Variants in MICU2 observed in about 807,000 individuals in gnomAD.
MICU2 encodes calcium uptake protein 2, mitochondrial.
In MICU2, 64 loss-of-function variants were observed where a neutral mutation model predicts 60.4. That is an observed-to-expected ratio of 1.06 (90% CI 0.87 to 1.31). The LOEUF is 1.31. Ranked by LOEUF, MICU2 falls within the 50% of genes most tolerant of loss-of-function variation. The pLI, the probability that MICU2 is intolerant of heterozygous loss-of-function variation, is 0.00. For missense variants in MICU2, 569 were observed against 531.0 expected (o/e 1.07, Z -0.70); for synonymous variants, 201 against 175.0 (o/e 1.15, Z -1.17).
rs560145575 is a variant in MICU2, at chr13:21,495,230, A to G, written c.1131T>C (p.Asp377=). The G allele has an allele frequency of 6.2e-7, 1 of 1,613,598 alleles. No individual in the cohort carries two copies. Among genetic ancestry groups the G allele is most frequent in the African/African-American group, 1.3e-5 (1 of 75,028 alleles). Residue 377 remains aspartate (D), a synonymous_variant, in exon 11 of 12, where the codon GAT becomes GAC. Coordinates refer to ENST00000382374, the MANE Select transcript of MICU2 (RefSeq NM_152726.3). ...LDTVFKIFDL[D]GDECLSHEEF... ...CTTCATGACTAAGACATTCATCACCATCCAAATCAAAGATCTTAAAGACAG... is the reference window on the plus strand; with the variant it reads ...CTTCATGACTAAGACATTCATCACCGTCCAAATCAAAGATCTTAAAGACAG...
intron 1 of MICU2, among the ~76,000 whole-genome samples, chr13:21,570,095 T>C (rs181804230): frequency 1.3e-5 from 2 of 152,362 alleles, no homozygotes; most frequent in East Asian, 3.9e-4. Flanking sequence ...GGGCTAACTG[T>C]TGTCCATTTC....
intron 9 of MICU2, among the ~76,000 whole-genome samples, chr13:21,498,439 C>T (rs541991805): frequency 1.5e-4 from 20 of 136,194 alleles, no homozygotes; most frequent in African/African-American, 8.3e-5. Context: ...AGCGCAATGG[C>T]GCAATCTTGG....
At chr13:21,580,984 T>C (rs1566168102) in intron 1 of MICU2, among the ~76,000 whole-genome samples, 1 of 152,066 alleles carries the variant, frequency 6.6e-6, no homozygotes, top group Non-Finnish European at 1.5e-5. Context: ...ACAAAAGAGA[T>C]GAACTAGTGA....
chr13:21,530,694 C>T (rs1156911956), intron 4 of MICU2: 12 of 392,934 alleles, frequency 3.1e-5, no homozygotes, highest in Non-Finnish European at 4.6e-5. Context: ...GGGGTGGCCA[C>T]TGAGGGGGTC....
intron 2 of MICU2, among the ~76,000 whole-genome samples, chr13:21,556,120 T>C (rs1195920701): frequency 6.6e-6 from 1 of 152,030 alleles, no homozygotes; most frequent in Non-Finnish European, 1.5e-5. Context: ...TTTTCCCCCA[T>C]TTTTTCCTAA....
chr13:21,507,957 C>G (rs1219301408), intron 8 of MICU2, among the ~76,000 whole-genome samples: 1 of 151,716 alleles, frequency 6.6e-6, no homozygotes, highest in Non-Finnish European at 1.5e-5. Flanking sequence ...TTGACAGAGT[C>G]TCACTCTGTC....
chr13:21,532,357 T>G (rs903131404), intron 4 of MICU2, among the ~76,000 whole-genome samples: 2 of 152,230 alleles, frequency 1.3e-5, no homozygotes, highest in African/African-American at 4.8e-5. Flanking sequence ...TTCATACTTA[T>G]GCCTCAAAAA....
chr13:21,603,918 CAGA>C lies in MICU2; in HGVS notation c.210+18_210+20del, dbSNP rs542812970. ...GAGGGAGGAGCTTGACTGGGGCTAG[CAGA>C]AGGAGTTAGTCCTGTACCTGTGCGG... is the stretch of plus-strand genomic sequence containing the variant. On this transcript the variant is annotated intron_variant, in intron 1 of 11. Coordinates refer to ENST00000382374, the MANE Select transcript of MICU2 (RefSeq NM_152726.3). The C allele has an allele frequency of 4.4e-3, 7,009 of 1,610,060 alleles. 30 individuals are homozygous for C. The highest frequency in any genetic ancestry group is 5.5e-3 in the Middle Eastern group (33 of 5,964).
At chr13:21,501,795 C>T (rs1031842077) in intron 9 of MICU2, among the ~76,000 whole-genome samples, 7 of 152,162 alleles carry the variant, frequency 4.6e-5, no homozygotes, top group African/African-American at 1.7e-4. Context: ...CTTTTCCTGC[C>T]ACAGCCTCTG....
chr13:21,555,762 G>C (rs1566159206), intron 2 of MICU2, among the ~76,000 whole-genome samples: 3 of 151,942 alleles, frequency 2.0e-5, no homozygotes, highest in East Asian at 3.9e-4. Context: ...TTCACTCTCA[G>C]CTGATAACCT....
At chr13:21,587,352 T>C (rs542205678) in intron 1 of MICU2, among the ~76,000 whole-genome samples, 15 of 152,362 alleles carry the variant, frequency 9.8e-5, no homozygotes, top group African/African-American at 3.6e-4. Flanking sequence ...AAATTTTTAA[T>C]GAAGAAACCT....
intron 4 of MICU2, among the ~76,000 whole-genome samples, chr13:21,538,167 G>A (rs1403316360): frequency 1.3e-5 from 2 of 151,518 alleles, no homozygotes; most frequent in Non-Finnish European, 2.9e-5. Context: ...TCTCATATCC[G>A]CCCTCACGTC....
intron 9 of MICU2, among the ~76,000 whole-genome samples, chr13:21,501,498 A>G (rs143998277): frequency 0.039 from 5,863 of 152,152 alleles, 332 homozygotes; most frequent in African/African-American, 0.13. Context: ...TCCTGACCTC[A>G]TGATCTGCCC....
Position 21,604,101 on chromosome 13 carries a change from TC to T in MICU2, c.47del (p.Gly16GlufsTer62), listed in dbSNP as rs1025642877. On this transcript the variant is annotated frameshift_variant, in exon 1 of 12. Coordinates refer to ENST00000382374, the MANE Select transcript of MICU2 (RefSeq NM_152726.3). LOFTEE classifies it high-confidence loss of function. ...TGACAGCGAGCCCCCGTCGCAGTTT[TC>T]CGCCCCAGGCCGCCACCCGCGCGCA... ...GSCARVAAWG[G>X]KLRRGLAVSR... is the part of the protein sequence containing the mutation. 3 of 1,588,914 alleles carry T rather than the reference TC, an allele frequency of 1.9e-6. No individual in the cohort carries two copies. The African/African-American group carries it at 4.1e-5, about 22-fold the overall frequency.
At chr13:21,519,176 C>T (rs1266841203) in intron 6 of MICU2, among the ~76,000 whole-genome samples, 1 of 152,212 alleles carries the variant, frequency 6.6e-6, no homozygotes, top group Non-Finnish European at 1.5e-5. Context: ...CCTGTCTCAG[C>T]CTCCTGAGTA....
intron 1 of MICU2, among the ~76,000 whole-genome samples, chr13:21,593,428 A>C (rs1054461601): frequency 3.9e-5 from 6 of 152,036 alleles, no homozygotes; most frequent in African/African-American, 1.5e-4. Flanking sequence ...TGTAAAAATG[A>C]CCAGACTGTC....
intron 1 of MICU2, among the ~76,000 whole-genome samples, chr13:21,574,251 T>C (rs1328760241): frequency 6.6e-6 from 1 of 152,136 alleles, no homozygotes; most frequent in Admixed American, 6.5e-5. Flanking sequence ...TTGCCATGAT[T>C]TGCTTCTCAA....
chr13:21,565,572 C>T (rs908973646), intron 2 of MICU2, among the ~76,000 whole-genome samples: 1 of 152,122 alleles, frequency 6.6e-6, no homozygotes, highest in Non-Finnish European at 1.5e-5. Flanking sequence ...GCAGGAGAAT[C>T]GCTTGAACCC....
At chr13:21,546,762 G>T (rs143423000) in intron 2 of MICU2, among the ~76,000 whole-genome samples, 1 of 152,190 alleles carries the variant, frequency 6.6e-6, no homozygotes, top group South Asian at 2.1e-4. Context: ...GATAGCTAGA[G>T]GCTTGCAGAA....
Sources: gnomAD v4.1 joint callset for allele counts (sites outside exome capture counted in the v4.1 genomes callset) on GRCh38, gnomAD v4.1.1 for gene constraint, MANE v1.5 for transcripts, NCBI Gene and HGNC (gene_info 2026-07-23, HGNC 2026-07-21) for gene names.